The following PAM variants were observed in gnomAD, a reference collection of about 807,000 sequenced individuals.
PAM encodes peptidyl-glycine alpha-amidating monooxygenase.
A neutral mutation model predicts 122.1 loss-of-function variants in PAM; 72 were observed. That is an observed-to-expected ratio of 0.59 (90% CI 0.49 to 0.72). PAM has a LOEUF of 0.72. PAM is among the 30% of genes least tolerant of loss of function. The pLI is 0.00. For synonymous variants in PAM, 389 were observed against 404.4 expected (o/e 0.96, Z 0.46); for missense variants, 1,106 against 1,183.7 (o/e 0.93, Z 0.96).
intron 3 of PAM, among the ~76,000 whole-genome samples, chr5:102,881,780 C>A (rs7723978): frequency 2.3e-4 from 34 of 150,520 alleles, no homozygotes; most frequent in African/African-American, 7.6e-4. Flanking sequence ...TGAGACTTAC[C>A]TGCATCTATC....
intron 1 of PAM, among the ~76,000 whole-genome samples, chr5:102,830,691 T>C (rs1580677274): frequency 6.6e-6 from 1 of 152,212 alleles, no homozygotes; most frequent in Non-Finnish European, 1.5e-5. Context: ...TAACATGTGA[T>C]TTAACACCAT....
In PAM at chr5:102,768,505, G is replaced by A. The variant is rs188819120; in HGVS notation, c.-374+13157G>A. The stretch of plus-strand genomic sequence containing the variant: ...TCCCCCTCTAACCTCTCCACTTCCC[G>A]GTCTCTGGTAACCGTCATTCTACTA... On this transcript the variant is annotated intron_variant, in intron 1 of 25. Coordinates refer to ENST00000438793, the MANE Select transcript of PAM (RefSeq NM_001177306.2). Among the ~76,000 whole-genome samples, 8 of 119,190 alleles carry A rather than the reference G, an allele frequency of 6.7e-5. No homozygotes were observed. The East Asian group carries it at 1.0e-3, about 15-fold the overall frequency. 78.2% of individuals were successfully genotyped at this position (119,190 alleles called of 152,430 possible).
At chr5:102,779,416 ATG>A (rs1241621549) in intron 1 of PAM, among the ~76,000 whole-genome samples, 4 of 152,094 alleles carry the variant, frequency 2.6e-5, no homozygotes, top group Non-Finnish European at 4.4e-5. Flanking sequence ...GAATAACAGT[ATG>A]TGTGACAGCT....
intron 1 of PAM, among the ~76,000 whole-genome samples, chr5:102,804,746 C>T (rs1040588220): frequency 6.6e-6 from 1 of 152,120 alleles, no homozygotes; most frequent in African/African-American, 2.4e-5. Flanking sequence ...GGGTGTTTTG[C>T]CTTATCCTCA....
chr5:102,891,850 C>G (rs1794875321), intron 3 of PAM, among the ~76,000 whole-genome samples: 1 of 151,798 alleles, frequency 6.6e-6, no homozygotes, highest in Non-Finnish European at 1.5e-5. Context: ...TGAAATGGGC[C>G]TGGTTACCTG....
At chr5:102,887,034 G>A (rs1383658245) in intron 3 of PAM, among the ~76,000 whole-genome samples, 1 of 152,028 alleles carries the variant, frequency 6.6e-6, no homozygotes, top group Non-Finnish European at 1.5e-5. Context: ...GCCTTGCAGA[G>A]TGCCAGGTAC....
chr5:102,998,712 A>G (rs1328852126), intron 16 of PAM, among the ~76,000 whole-genome samples: 1 of 152,222 alleles, frequency 6.6e-6, no homozygotes, highest in Non-Finnish European at 1.5e-5. Flanking sequence ...TTACAACTGA[A>G]TATGCATCTA....
At chr5:102,897,014 T>G (rs9784601) in intron 3 of PAM, among the ~76,000 whole-genome samples, 19,780 of 151,616 alleles carry the variant, frequency 0.13, 3,135 homozygotes, top group African/African-American at 0.37. Flanking sequence ...ATTTGATTCT[T>G]TTACATAGTT....
chr5:102,944,003 C>T (rs1287673447), intron 7 of PAM, among the ~76,000 whole-genome samples: 1 of 152,160 alleles, frequency 6.6e-6, no homozygotes, highest in Non-Finnish European at 1.5e-5. Context: ...CAACAACCAG[C>T]ACTACAATAT....
chr5:103,002,483 AC>A lies in PAM; in HGVS notation c.1614-549del, dbSNP rs1777703687. Reference sequence around the variant, plus strand: ...TCTCGAGGATAGATTCGGTTTTGTAACTTTTAAATACTTTGAACATCCTCTT... The same window carrying A: ...TCTCGAGGATAGATTCGGTTTTGTAATTTTAAATACTTTGAACATCCTCTT... On this transcript the variant is annotated intron_variant, in intron 16 of 25. Transcript: ENST00000438793. Among the ~76,000 whole-genome samples, 3 of 152,236 alleles carry A rather than the reference AC, an allele frequency of 2.0e-5. No individual in the cohort carries two copies. The South Asian group carries it at 6.2e-4, about 32-fold the overall frequency.
intron 15 of PAM, among the ~76,000 whole-genome samples, chr5:102,975,530 CTA>C (rs1277362093): frequency 3.9e-5 from 6 of 152,136 alleles, no homozygotes; most frequent in African/African-American, 1.4e-4. Flanking sequence ...ACAAATAAAA[CTA>C]TGTTTCTCAT....
intron 16 of PAM, among the ~76,000 whole-genome samples, chr5:102,995,044 A>C (rs1775266624): frequency 1.3e-5 from 2 of 152,096 alleles, no homozygotes; most frequent in African/African-American, 4.8e-5. Context: ...ATTGTTTTAG[A>C]AATCTGTCTG....
chr5:102,953,939 G>A (rs915178632), intron 12 of PAM, among the ~76,000 whole-genome samples: 1 of 152,128 alleles, frequency 6.6e-6, no homozygotes, highest in Non-Finnish European at 1.5e-5. Context: ...CTTGAACCTG[G>A]AAGGAAGAGA....
intron 1 of PAM, chr5:102,838,164 G>C (rs1777587318): frequency 6.6e-6 from 1 of 151,950 alleles, no homozygotes; most frequent in Non-Finnish European, 1.5e-5. Context: ...TCAATTTGTG[G>C]ATTAGCAGTC....
chr5:102,914,453 A>G (rs1030234088), intron 5 of PAM, among the ~76,000 whole-genome samples: 1 of 152,102 alleles, frequency 6.6e-6, no homozygotes, highest in African/African-American at 2.4e-5. Flanking sequence ...CAATATATGT[A>G]TATTGTTATA....
In PAM at chr5:103,011,220, A is replaced by G. The variant is rs930335112; in HGVS notation, c.2331+1354A>G. Among the ~76,000 whole-genome samples, 23 of 152,188 alleles carry G rather than the reference A, an allele frequency of 1.5e-4. 1 individual carries two copies. Among genetic ancestry groups the G allele is most frequent in the Non-Finnish European group, 1.5e-5 (1 of 68,032 alleles). On this transcript the variant is annotated intron_variant, in intron 21 of 25. Transcript: ENST00000438793. ...CTGTGACCCAATAATTCCCATCTTT[A>G]TCTATACTCAAGCCATGTGGCAAGT...
At chr5:102,862,273 GT>G (rs150440567) in intron 1 of PAM, among the ~76,000 whole-genome samples, 3,127 of 147,334 alleles carry the variant, frequency 0.021, 54 homozygotes, top group African/African-American at 0.051. Context: ...GTAACTATAA[GT>G]TTTTTTTTCC....
chr5:102,851,818 G>GTT (rs554710677), intron 1 of PAM, among the ~76,000 whole-genome samples: 1 of 152,044 alleles, frequency 6.6e-6, no homozygotes, highest in African/African-American at 2.4e-5. Flanking sequence ...TCACCTTTGT[G>GTT]TTTTTTTCTT....
chr5:102,773,268 T>C (rs1756289644), intron 1 of PAM, among the ~76,000 whole-genome samples: 1 of 152,108 alleles, frequency 6.6e-6, no homozygotes, highest in Admixed American at 6.6e-5. Context: ...TGCTTTGTAT[T>C]GTATTTGATT....
Sources: gnomAD v4.1 joint callset for allele counts (sites outside exome capture counted in the v4.1 genomes callset) on GRCh38, gnomAD v4.1.1 for gene constraint, MANE v1.5 for transcripts, NCBI Gene and HGNC (gene_info 2026-07-23, HGNC 2026-07-21) for gene names.